Variants in SRC observed in about 807,000 individuals in gnomAD.
The protein encoded by SRC is SRC proto-oncogene, non-receptor tyrosine kinase, also known as proto-oncogene tyrosine-protein kinase Src.
A neutral mutation model predicts 62.9 loss-of-function variants in SRC; 13 were observed. The ratio of observed to expected loss-of-function variants is 0.21; its 90% CI spans 0.13 to 0.33. The LOEUF is 0.33. SRC is among the 10% of genes least tolerant of loss of function. SRC has a pLI of 1.00. For missense variants in SRC, 457 were observed against 737.3 expected (o/e 0.62, Z 4.40); for synonymous variants, 302 against 317.5 (o/e 0.95, Z 0.52).
intron 6 of SRC, 47 bp downstream of exon 6, chr20:37,394,040 C>T: frequency 6.3e-7 from 1 of 1,586,462 alleles, no homozygotes; most frequent in Non-Finnish European, 8.6e-7. Flanking sequence ...CTGGACACTG[C>T]CGGTGCAGAG....
chr20:37,379,511 G>A (rs1227809757), intron 2 of SRC, among the ~76,000 whole-genome samples: 2 of 151,956 alleles, frequency 1.3e-5, no homozygotes, highest in African/African-American at 2.4e-5. Context: ...GTGAAGAGCC[G>A]TGTAGCTTTC....
intron 1 of SRC, among the ~76,000 whole-genome samples, chr20:37,363,271 C>T (rs2146947119): frequency 6.6e-6 from 1 of 152,316 alleles, no homozygotes; most frequent in Non-Finnish European, 1.5e-5. Context: ...GAACATATCC[C>T]TCTCAGGGTC....
At chr20:37,364,437 C>A (rs1428766707) in intron 1 of SRC, among the ~76,000 whole-genome samples, 1 of 152,210 alleles carries the variant, frequency 6.6e-6, no homozygotes, top group African/African-American at 2.4e-5. Flanking sequence ...TGAGGACCAA[C>A]TGTCCCTCCT....
At chr20:37,377,482 G>C (rs2070295355) in intron 2 of SRC, among the ~76,000 whole-genome samples, 1 of 152,224 alleles carries the variant, frequency 6.6e-6, no homozygotes, top group Non-Finnish European at 1.5e-5. Context: ...GAAGGGGCTG[G>C]TGTGTGGTGG....
intron 2 of SRC, 41 bp downstream of exon 2, chr20:37,365,318 CAACACACACACACACACACACACACACA>C (rs2070043592): frequency 1.2e-5 from 1 of 84,040 alleles, no homozygotes; most frequent in African/African-American, 4.6e-5. Context: ...GAAAAGACAT[CAACACACACACACACACACACACACACA>C]CACACACACA....
At chr20:37,389,928 G>T (rs1398546254) in intron 5 of SRC, among the ~76,000 whole-genome samples, 1 of 152,200 alleles carries the variant, frequency 6.6e-6, no homozygotes, top group Non-Finnish European at 1.5e-5. Context: ...GGGGGAAGGT[G>T]CTGGATGCCG....
chr20:37,365,334 A>ACCTGTAATC (rs1349628661), intron 2 of SRC, 57 bp downstream of exon 2: 1 of 148,164 alleles, frequency 6.7e-6, no homozygotes, highest in African/African-American at 2.5e-5. Context: ...ACACACACAC[A>ACCTGTAATC]CACACACACA....
At position 37,368,518 on chromosome 20, in the gene SRC, CTTTTTTTT is replaced by C. The variant is rs1352624429; in HGVS notation, c.-173+3259_-173+3266del. Among the ~76,000 whole-genome samples the C allele has an allele frequency of 4.3e-3, 320 of 73,908 alleles. 1 individual carries two copies. Among genetic ancestry groups the C allele is most frequent in the African/African-American group, 0.011 (255 of 23,290 alleles). 48.5% of individuals were successfully genotyped at this position (73,908 alleles called of 152,430 possible). A position where few individuals can be genotyped will look rare whatever the true frequency, so the allele number is the denominator to read the frequency against. On this transcript the variant is annotated intron_variant, in intron 2 of 13. Coordinates refer to ENST00000373578, the MANE Select transcript of SRC (RefSeq NM_198291.3). ...GTCATAACATTTATGCCTATATTTTCTTTTTTTTTTTTTTTTTTTTTTTTTGTTTTTTT... is the reference window on the plus strand; with the variant it reads ...GTCATAACATTTATGCCTATATTTTCTTTTTTTTTTTTTTTTTGTTTTTTT...
chr20:37,390,337 G>C, intron 5 of SRC, among the ~76,000 whole-genome samples: 1 of 149,308 alleles, frequency 6.7e-6, no homozygotes, highest in Non-Finnish European at 1.5e-5. Context: ...TTATTTTTTA[G>C]CTAAATCCAG....
Position 37,385,919 on chromosome 20 carries a change from G to A in SRC, c.251-156G>A, listed in dbSNP as rs564792030. 2.6e-5 allele frequency among the ~76,000 whole-genome samples: 4 copies of A among 152,364 alleles called. No homozygotes were observed. The East Asian group carries it at 5.8e-4, about 22-fold the overall frequency. On this transcript the variant is annotated intron_variant, in intron 4 of 13. Coordinates refer to ENST00000373578, the MANE Select transcript of SRC (RefSeq NM_198291.3). ...GCAGATACACGGATGCAGTGGACAC[G>A]TGCACAGGCCCATCTTCACTGAACC...
chr20:37,385,848 G>A (rs533766279), intron 4 of SRC, among the ~76,000 whole-genome samples: 4 of 152,352 alleles, frequency 2.6e-5, no homozygotes, highest in Non-Finnish European at 4.4e-5. Flanking sequence ...GGACGGACGC[G>A]GACAGGAAGG....
intron 5 of SRC, among the ~76,000 whole-genome samples, chr20:37,390,685 G>A (rs1206612880): frequency 1.3e-5 from 2 of 152,144 alleles, no homozygotes; most frequent in Non-Finnish European, 2.9e-5. Context: ...GATCACAGGC[G>A]TGAGCCACCG....
chr20:37,357,149 G>T (rs886909946), intron 1 of SRC, among the ~76,000 whole-genome samples: 1 of 152,218 alleles, frequency 6.6e-6, no homozygotes, highest in Non-Finnish European at 1.5e-5. Context: ...TGTGGAGGGC[G>T]GATGGAGCTT....
intron 1 of SRC, among the ~76,000 whole-genome samples, chr20:37,360,216 C>CTTTTTT (rs2069947696): frequency 1.8e-5 from 2 of 112,512 alleles, no homozygotes; most frequent in African/African-American, 9.9e-5. Flanking sequence ...TTCTCTCTCT[C>CTTTTTT]TCTTTTTTTT....
intron 5 of SRC, among the ~76,000 whole-genome samples, chr20:37,392,835 C>G (rs2070573954): frequency 6.6e-6 from 1 of 152,112 alleles, no homozygotes; most frequent in South Asian, 2.1e-4. Flanking sequence ...CCCCTCGTCC[C>G]CTGTCCCCAG....
chr20:37,400,441 G>A (rs908923150), intron 10 of SRC, 147 bp downstream of exon 10: 1 of 715,240 alleles, frequency 1.4e-6, no homozygotes, highest in Non-Finnish European at 2.1e-6. Flanking sequence ...GCCGGAGTGT[G>A]GTGGTGCAAT....
In SRC at chr20:37,384,533, C is replaced by A; in HGVS notation, c.250+130C>A. The A allele has an allele frequency of 8.2e-6, 4 of 490,152 alleles. No homozygotes were observed. Among genetic ancestry groups the A allele is most frequent in the Non-Finnish European group, 1.1e-5 (4 of 350,322 alleles). The allele number at this position is 490,152 out of a possible 1,614,324, so 30.4% of individuals were successfully genotyped here. ...CGCCAGGGGTAGCGCCCCTGGGTGACTTGGGTGTCCGGGGGGTGGGGGGGC... is the reference window on the plus strand; with the variant it reads ...CGCCAGGGGTAGCGCCCCTGGGTGAATTGGGTGTCCGGGGGGTGGGGGGGC... On this transcript the variant is annotated intron_variant, in intron 4 of 13. Coordinates refer to ENST00000373578, the MANE Select transcript of SRC (RefSeq NM_198291.3). The surrounding 1 kb of genome is among the most constrained non-coding windows in gnomAD (Gnocchi z 6.7).
upstream of SRC, among the ~76,000 whole-genome samples, chr20:37,345,823 G>C (rs1314284020): frequency 6.6e-6 from 1 of 152,152 alleles, no homozygotes. Flanking sequence ...GGGTGGGTTG[G>C]GGAGGGCATT....
chr20:37,373,155 CAT>C (rs572476381), intron 2 of SRC, among the ~76,000 whole-genome samples: 186 of 151,132 alleles, frequency 1.2e-3, no homozygotes, highest in Middle Eastern at 0.01. Context: ...CATATACACA[CAT>C]ACACACATAT....
Sources: allele counts gnomAD v4.1 joint callset (sites outside exome capture counted in the v4.1 genomes callset), GRCh38; gene constraint gnomAD v4.1.1; non-coding constraint Gnocchi (gnomAD v3.1); transcripts MANE v1.5; gene names NCBI Gene and HGNC (gene_info 2026-07-23, HGNC 2026-07-21).